Variants in MAP2 observed in about 807,000 individuals in gnomAD.
MAP2 encodes the protein microtubule-associated protein 2.
A neutral mutation model predicts 137.6 loss-of-function variants in MAP2; 14 were observed. That is an observed-to-expected ratio of 0.10 (90% CI 0.07 to 0.16). The LOEUF (loss-of-function observed/expected upper bound fraction) is 0.16, where lower values mean the gene tolerates loss of function less well. MAP2 is among the 10% of genes least tolerant of loss of function. MAP2 has a pLI of 1.00. For missense variants in MAP2, 2,088 were observed against 2,191.5 expected (o/e 0.95, Z 0.94); for synonymous variants, 786 against 782.3 (o/e 1.00, Z -0.08).
intron 5 of MAP2, among the ~76,000 whole-genome samples, chr2:209,678,333 A>G (rs936701861): frequency 3.9e-5 from 6 of 151,920 alleles, no homozygotes; most frequent in African/African-American, 7.3e-5. Flanking sequence ...CTATGTAAGT[A>G]TTTTTTCTCA....
At chr2:209,651,363 C>A (rs1582202519) in intron 4 of MAP2, among the ~76,000 whole-genome samples, 1 of 152,140 alleles carries the variant, frequency 6.6e-6, no homozygotes, top group South Asian at 2.1e-4. Flanking sequence ...GCAAGTAACT[C>A]TCATTATTGT....
At chr2:209,611,146 AC>A (rs2086712908) in intron 3 of MAP2, among the ~76,000 whole-genome samples, 1 of 152,200 alleles carries the variant, frequency 6.6e-6, no homozygotes, top group South Asian at 2.1e-4. Context: ...ATTTAAACTA[AC>A]AGCTATTATA....
At chr2:209,503,932 T>TA (rs1167824722) in intron 1 of MAP2, among the ~76,000 whole-genome samples, 2 of 152,004 alleles carry the variant, frequency 1.3e-5, no homozygotes, top group East Asian at 3.9e-4. Context: ...CCATCTCTAC[T>TA]AAAAAATGCA....
chr2:209,694,514 G>A lies in MAP2; in HGVS notation c.2344G>A (p.Ala782Thr), dbSNP rs1399350800. 6 of 1,614,074 alleles carry A rather than the reference G, an allele frequency of 3.7e-6. No homozygotes were observed. The highest frequency in any genetic ancestry group is 3.3e-5 in the Admixed American group (2 of 60,014). The change falls in exon 8 of 16, where the codon GCG becomes ACG. Residue 782 changes from alanine (A) to threonine (T), a missense_variant. Ala to Thr is a moderately conservative substitution (Grantham distance 58). Transcript: ENST00000682079. ...AGCTACTGGAGAAGAAAGTACTCAA[G>A]CGGAGATATCATGTGAGTCTCCTTT... ...VKATGEESTQ[A>T]EISCESPFLA... is the part of the protein sequence containing the mutation.
chr2:209,654,996 T>TA (rs1301995665), intron 5 of MAP2, among the ~76,000 whole-genome samples: 4 of 152,142 alleles, frequency 2.6e-5, no homozygotes, highest in Admixed American at 1.3e-4. Flanking sequence ...CAAAAAAAAA[T>TA]CACTGCAGTG....
intron 4 of MAP2, among the ~76,000 whole-genome samples, chr2:209,636,902 C>T (rs894190450): frequency 6.6e-6 from 1 of 152,080 alleles, no homozygotes; most frequent in African/African-American, 2.4e-5. Flanking sequence ...TAATGACAAG[C>T]CTATCCTGCA....
intron 2 of MAP2, among the ~76,000 whole-genome samples, chr2:209,513,340 A>G (rs977573905): frequency 4.6e-5 from 7 of 152,204 alleles, no homozygotes; most frequent in African/African-American, 1.7e-4. Flanking sequence ...GGATAGGTCC[A>G]TTCTCCCCTA....
At position 209,657,490 on chromosome 2, in the gene MAP2, T is replaced by C. The variant is rs188297904; in HGVS notation, c.262+4058T>C. On this transcript the variant is annotated intron_variant, in intron 5 of 15. Coordinates refer to ENST00000682079, the MANE Select transcript of MAP2 (RefSeq NM_001375505.1). ...CCATTCTAACTGGTATAAGATGATA[T>C]CTCATTGTGGTTTTAATTTGCATTT... 1.4e-4 allele frequency among the ~76,000 whole-genome samples: 21 copies of C among 152,340 alleles called. No individual in the cohort carries two copies. The East Asian group carries it at 3.9e-3, about 28-fold the overall frequency.
At chr2:209,571,530 A>C (rs1273861161) in intron 2 of MAP2, among the ~76,000 whole-genome samples, 2 of 152,034 alleles carry the variant, frequency 1.3e-5, no homozygotes, top group African/African-American at 4.8e-5. Flanking sequence ...TCTCACCAGC[A>C]ATGTATGAGA....
chr2:209,562,776 G>A (rs560349878), intron 2 of MAP2, among the ~76,000 whole-genome samples: 3 of 151,938 alleles, frequency 2.0e-5, no homozygotes, highest in South Asian at 2.1e-4. Context: ...AAAGCCCAGC[G>A]GTGATTGCAC....
intron 1 of MAP2, among the ~76,000 whole-genome samples, chr2:209,442,673 C>T (rs1698097642): frequency 6.6e-6 from 1 of 151,568 alleles, no homozygotes; most frequent in African/African-American, 2.4e-5. Context: ...GGAATCTTCC[C>T]TGAGAGTCAG....
At chr2:209,700,221 C>T in intron 10 of MAP2, 56 bp from the exon 11 acceptor site, 1 of 1,429,620 alleles carries the variant, frequency 7.0e-7, no homozygotes, top group Non-Finnish European at 9.9e-7. Flanking sequence ...TTTAAAACTG[C>T]ATTTATGACT....
At chr2:209,509,183 G>C (rs1483719985) in intron 2 of MAP2, among the ~76,000 whole-genome samples, 1 of 151,536 alleles carries the variant, frequency 6.6e-6, no homozygotes, top group Non-Finnish European at 1.5e-5. Context: ...ATCTCATCTT[G>C]CTCTGACCAC....
intron 1 of MAP2, among the ~76,000 whole-genome samples, chr2:209,461,223 C>A (rs1702725997): frequency 6.6e-6 from 1 of 152,154 alleles, no homozygotes; most frequent in African/African-American, 2.4e-5. Flanking sequence ...AATCTGTGCT[C>A]TCCAAAATGA....
chr2:209,575,518 C>CAA (rs71043942), intron 2 of MAP2, among the ~76,000 whole-genome samples: 1,452 of 28,348 alleles, frequency 0.051, 240 homozygotes, highest in Non-Finnish European at 0.066. Flanking sequence ...GACTCCATCT[C>CAA]AAAAAAAAAA....
chr2:209,508,778 G>C (rs536954724), intron 2 of MAP2, among the ~76,000 whole-genome samples: 1 of 152,140 alleles, frequency 6.6e-6, no homozygotes, highest in South Asian at 2.1e-4. Context: ...TTGGTTTCAA[G>C]TCTATAAACT....
intron 4 of MAP2, among the ~76,000 whole-genome samples, chr2:209,635,492 C>G (rs1336822940): frequency 2.0e-5 from 3 of 152,090 alleles, no homozygotes; most frequent in Non-Finnish European, 4.4e-5. Flanking sequence ...TACAAATAAC[C>G]GTATATAGTC....
intron 4 of MAP2, among the ~76,000 whole-genome samples, chr2:209,627,472 T>C (rs2092493511): frequency 6.6e-6 from 1 of 152,130 alleles, no homozygotes; most frequent in Non-Finnish European, 1.5e-5. Flanking sequence ...ATAAGTCTCT[T>C]AGGTCAGAAA....
rs549873961 is a variant in MAP2, at chr2:209,624,631, A to G, written c.-106-422A>G. Among the ~76,000 whole-genome samples the G allele has an allele frequency of 1.2e-4, 19 of 152,292 alleles. No individual in the cohort carries two copies. In the East Asian group the frequency reaches 2.7e-3, roughly 22 times the overall value. On this transcript the variant is annotated intron_variant, in intron 3 of 15. Transcript: ENST00000682079. ...CTCCATCCTGTGCTGGAGAGAATCA[A>G]TGCAGACTGGGCTGGAGGCCCAGTC...
Sources: gnomAD v4.1 joint callset for allele counts (sites outside exome capture counted in the v4.1 genomes callset) on GRCh38, gnomAD v4.1.1 for gene constraint, MANE v1.5 for transcripts, NCBI Gene and HGNC (gene_info 2026-07-23, HGNC 2026-07-21) for gene names.